The following CCSER1 variants were observed in gnomAD, a reference collection of about 807,000 sequenced individuals.
CCSER1 encodes serine-rich coiled-coil domain-containing protein 1.
A neutral mutation model predicts 82.0 loss-of-function variants in CCSER1; 41 were observed. The ratio of observed to expected loss-of-function variants is 0.50; its 90% CI spans 0.39 to 0.65. CCSER1 has a LOEUF of 0.65. CCSER1 is among the 30% of genes least tolerant of loss of function. The probability of loss-of-function intolerance (pLI) is 0.00; values close to 1 mark genes in which losing one functional copy is unlikely to be tolerated. For synonymous variants in CCSER1, 414 were observed against 383.9 expected (o/e 1.08, Z -0.92); for missense variants, 1,119 against 1,064.2 (o/e 1.05, Z -0.72).
At chr4:90,855,064 C>T (rs949095596) in intron 8 of CCSER1, among the ~76,000 whole-genome samples, 16 of 152,198 alleles carry the variant, frequency 1.1e-4, no homozygotes, top group African/African-American at 3.1e-4. Flanking sequence ...TGAGAACTCA[C>T]TCACGAGAAC....
chr4:90,888,829 G>T (rs2150104755), intron 8 of CCSER1, among the ~76,000 whole-genome samples: 1 of 152,234 alleles, frequency 6.6e-6, no homozygotes, highest in South Asian at 2.1e-4. Context: ...CATTAGTAAA[G>T]CTTTTTAACT....
rs184076842 is a variant in CCSER1 at position 90,503,477 on chromosome 4, A to C, written c.1724+35123A>C. Among the ~76,000 whole-genome samples, 29 of 152,254 alleles carry C rather than the reference A, an allele frequency of 1.9e-4. No individual in the cohort carries two copies. In the East Asian group the frequency reaches 3.3e-3, roughly 17 times the overall value. ...TGCACAACGTGCAGGTTAGTTACAT[A>C]TGTATACGTGTGCCATGTTGGTGTG... On this transcript the variant is annotated intron_variant, in intron 5 of 10. Transcript: ENST00000509176.
At chr4:90,207,093 A>G (rs1031172460) in intron 1 of CCSER1, among the ~76,000 whole-genome samples, 1 of 151,564 alleles carries the variant, frequency 6.6e-6, no homozygotes, top group Non-Finnish European at 1.5e-5. Flanking sequence ...TGCATGTGAG[A>G]TGGGTCTCCT....
At chr4:90,758,814 A>G (rs1234175820) in intron 7 of CCSER1, among the ~76,000 whole-genome samples, 1 of 152,220 alleles carries the variant, frequency 6.6e-6, no homozygotes, top group African/African-American at 2.4e-5. Flanking sequence ...TAGAAAAATA[A>G]CACAAAAATA....
At chr4:90,157,625 C>T (rs1211347289) in intron 1 of CCSER1, among the ~76,000 whole-genome samples, 2 of 152,110 alleles carry the variant, frequency 1.3e-5, no homozygotes, top group African/African-American at 4.8e-5. Context: ...TCATTCATTT[C>T]ATCTTCCATC....
chr4:90,472,765 G>T lies in CCSER1; in HGVS notation c.1724+4411G>T, dbSNP rs188300593. ...ATTTAATCATAAGCATAGAATGCTG[G>T]GGTCAAAGCTTTGAGAGTGACTGTT... On this transcript the variant is annotated intron_variant, in intron 5 of 10. Transcript: ENST00000509176. Among the ~76,000 whole-genome samples the T allele has an allele frequency of 1.5e-3, 233 of 152,166 alleles. 1 individual carries two copies. Among genetic ancestry groups the T allele is most frequent in the African/African-American group, 5.2e-3 (217 of 41,530 alleles).
chr4:90,337,707 A>T (rs1046640617), intron 3 of CCSER1, among the ~76,000 whole-genome samples: 1 of 152,106 alleles, frequency 6.6e-6, no homozygotes, highest in Non-Finnish European at 1.5e-5. Flanking sequence ...GTATCAATTA[A>T]TACTTACCTA....
At chr4:90,158,162 A>G (rs1030758492) in intron 1 of CCSER1, among the ~76,000 whole-genome samples, 2 of 147,012 alleles carry the variant, frequency 1.4e-5, no homozygotes, top group Non-Finnish European at 3.0e-5. Flanking sequence ...TTGCCTGGGT[A>G]CCAGCCGTGG....
chr4:90,156,183 T>C (rs962913766), intron 1 of CCSER1, among the ~76,000 whole-genome samples: 1 of 152,218 alleles, frequency 6.6e-6, no homozygotes, highest in African/African-American at 2.4e-5. Context: ...TTGAGCAGTT[T>C]TGGGTGAGTT....
intron 7 of CCSER1, among the ~76,000 whole-genome samples, chr4:90,797,986 G>T (rs545352794): frequency 1.3e-5 from 2 of 152,210 alleles, no homozygotes; most frequent in South Asian, 4.2e-4. Flanking sequence ...TGTTATTGTG[G>T]TTCTCTGCAT....
intron 10 of CCSER1, among the ~76,000 whole-genome samples, chr4:91,489,584 C>T (rs546238992): frequency 6.6e-6 from 1 of 152,196 alleles, no homozygotes; most frequent in South Asian, 2.1e-4. Context: ...GCTGACTGAT[C>T]ACCTGAGGTC....
chr4:91,142,043 A>C (rs775519610), intron 10 of CCSER1, among the ~76,000 whole-genome samples: 1 of 152,112 alleles, frequency 6.6e-6, no homozygotes, highest in African/African-American at 2.4e-5. Flanking sequence ...ATTTTCTCCA[A>C]TTCTGCAGAT....
chr4:91,588,263 G>A (rs528886653), intron 10 of CCSER1, among the ~76,000 whole-genome samples: 72 of 151,442 alleles, frequency 4.8e-4, no homozygotes, highest in African/African-American at 1.5e-3. Flanking sequence ...AAAAAAAATA[G>A]CCTTAGATTT....
intron 7 of CCSER1, among the ~76,000 whole-genome samples, chr4:90,777,460 A>C (rs545958814): frequency 1.6e-4 from 24 of 151,758 alleles, no homozygotes; most frequent in African/African-American, 5.8e-4. Context: ...TCTTCTGATC[A>C]TCAATTATTA....
At chr4:90,836,644 A>T (rs1580708100) in intron 8 of CCSER1, among the ~76,000 whole-genome samples, 1 of 152,342 alleles carries the variant, frequency 6.6e-6, no homozygotes, top group East Asian at 1.9e-4. Flanking sequence ...AGCAGCAGCC[A>T]CAGCCACACA....
At position 90,784,484 on chromosome 4, in the gene CCSER1, T is replaced by C. The variant is rs1218517301; in HGVS notation, c.2011-31278T>C. On this transcript the variant is annotated intron_variant, in intron 7 of 10. Coordinates refer to ENST00000509176, the MANE Select transcript of CCSER1 (RefSeq NM_001145065.2). ...AATGATGTGTTCTAATTCACATCTC[T>C]AGTTGGTTTTGATAAGTCTGGAGCT... Among the ~76,000 whole-genome samples, 7 of 152,212 alleles carry C rather than the reference T, an allele frequency of 4.6e-5. 1 individual carries two copies. The East Asian group carries it at 1.3e-3, about 29-fold the overall frequency.
At chr4:90,384,856 A>G (rs1561139362) in intron 3 of CCSER1, among the ~76,000 whole-genome samples, 2 of 152,172 alleles carry the variant, frequency 1.3e-5, no homozygotes, top group East Asian at 1.9e-4. Context: ...ACCTGTACCC[A>G]GTAGATAATT....
intron 10 of CCSER1, among the ~76,000 whole-genome samples, chr4:91,427,317 A>T (rs1169093300): frequency 6.6e-6 from 1 of 152,106 alleles, no homozygotes; most frequent in African/African-American, 2.4e-5. Flanking sequence ...AGTATTAGTC[A>T]CTTTTCTCAA....
intron 5 of CCSER1, among the ~76,000 whole-genome samples, chr4:90,566,923 A>G (rs527594166): frequency 4.0e-5 from 6 of 150,492 alleles, no homozygotes; most frequent in Non-Finnish European, 8.9e-5. Context: ...TTTGTATTTT[A>G]CTTGTATCAA....
Sources: allele counts gnomAD v4.1 joint callset (sites outside exome capture counted in the v4.1 genomes callset), GRCh38; gene constraint gnomAD v4.1.1; transcripts MANE v1.5; gene names NCBI Gene and HGNC (gene_info 2026-07-23, HGNC 2026-07-21).